PTPN12: variants seen among roughly 807,000 people sequenced by gnomAD.
PTPN12 encodes the protein tyrosine-protein phosphatase non-receptor type 12.
A neutral mutation model predicts 97.6 loss-of-function variants in PTPN12; 29 were observed. That is an observed-to-expected ratio of 0.30 (90% CI 0.22 to 0.41). The LOEUF (loss-of-function observed/expected upper bound fraction) is 0.41. PTPN12 is among the 10% of genes least tolerant of loss of function. The probability of loss-of-function intolerance (pLI) is 1.00; values close to 1 mark genes in which losing one functional copy is unlikely to be tolerated. For synonymous variants in PTPN12, 327 were observed against 300.4 expected (o/e 1.09, Z -0.91); for missense variants, 819 against 926.0 (o/e 0.88, Z 1.50).
chr7:77,543,917 T>C (rs1384482568), intron 1 of PTPN12, among the ~76,000 whole-genome samples: 2 of 152,234 alleles, frequency 1.3e-5, no homozygotes, highest in African/African-American at 4.8e-5. Flanking sequence ...TTCATCGTGT[T>C]GATGGGTATT....
intron 2 of PTPN12, 124 bp downstream of exon 2, chr7:77,571,310 A>G: frequency 1.6e-6 from 1 of 610,342 alleles, no homozygotes; most frequent in Non-Finnish European, 2.8e-6. Flanking sequence ...CTTTCAAAGT[A>G]CATGGAAAGA....
intron 1 of PTPN12, among the ~76,000 whole-genome samples, chr7:77,562,808 GTCC>G (rs1161790677): frequency 2.0e-5 from 3 of 151,778 alleles, no homozygotes; most frequent in Admixed American, 6.6e-5. Context: ...AAATTTTATT[GTCC>G]TCCTAGTTCA....
rs766399379 is a variant in PTPN12 at position 77,627,148 on chromosome 7, C to A, written c.1469C>A (p.Thr490Asn). Residue 490 changes from threonine (T) to asparagine (N), a missense_variant, in exon 13 of 18, where the codon ACT (threonine) becomes AAT (asparagine). By Grantham distance (65) the Thr-to-Asn change is moderately conservative. Around this residue, in one of 5 missense-constraint regions of PTPN12, gnomAD observed 607 missense variants for 577.3 expected, o/e 1.05. Transcript: ENST00000248594. ...ELSSDLNVGD[T>N]SQNSCVDCSV... ...AGTTCAGATCTAAATGTCGGTGATACTTCCCAGAATTCTTGTGTGGACTGC... is the reference window on the plus strand; with the variant it reads ...AGTTCAGATCTAAATGTCGGTGATAATTCCCAGAATTCTTGTGTGGACTGC... The A allele has an allele frequency of 2.1e-5, 34 of 1,614,114 alleles. No homozygotes were observed. The highest frequency in any genetic ancestry group is 2.6e-5 in the Non-Finnish European group (31 of 1,179,994).
chr7:77,584,694 G>A (rs1341440515), intron 4 of PTPN12, among the ~76,000 whole-genome samples: 2 of 152,022 alleles, frequency 1.3e-5, no homozygotes, highest in Non-Finnish European at 2.9e-5. Context: ...TGGCTAACAC[G>A]GTGAAACCCT....
intron 16 of PTPN12, among the ~76,000 whole-genome samples, chr7:77,637,765 G>A (rs1335850731): frequency 2.8e-5 from 4 of 145,000 alleles, no homozygotes; most frequent in African/African-American, 1.0e-4. Context: ...ACTGAGGCAG[G>A]AGAATCCCTT....
intron 1 of PTPN12, among the ~76,000 whole-genome samples, chr7:77,542,909 G>A (rs982885389): frequency 1.3e-5 from 2 of 152,146 alleles, no homozygotes; most frequent in African/African-American, 2.4e-5. Context: ...GGAGATAGTC[G>A]ACAGCATGGG....
At chr7:77,635,718 C>T in intron 14 of PTPN12, 64 bp from the exon 15 acceptor site, 4 of 1,059,304 alleles carry the variant, frequency 3.8e-6, no homozygotes, top group Non-Finnish European at 4.0e-6. Flanking sequence ...TTTTGTATTA[C>T]TTTAATGCAA....
rs767352628 is a variant in PTPN12, at chr7:77,627,064, T to C, written c.1385T>C (p.Ile462Thr). 1 of 1,613,900 alleles carries C rather than the reference T, an allele frequency of 6.2e-7. No homozygotes were observed. Among genetic ancestry groups the C allele is most frequent in the Non-Finnish European group, 8.5e-7 (1 of 1,179,880 alleles). ...GNTLLNRGHA[I>T]KIKSASPCIA... ...ACACTTTTGAATAGGGGACATGCAA[T>C]TAAAATTAAATCTGCTTCACCTTGT... Residue 462 changes from isoleucine (I) to threonine (T), a missense_variant, in exon 13 of 18, where the codon ATT becomes ACT. This residue lies in a region of PTPN12 where 607 missense variants were observed against 577.3 expected (regional missense o/e 1.05). Transcript: ENST00000248594.
intron 1 of PTPN12, among the ~76,000 whole-genome samples, chr7:77,564,837 A>C (rs528402918): frequency 3.0e-5 from 4 of 134,368 alleles, no homozygotes; most frequent in Admixed American, 1.8e-4. Context: ...AGCTCACTGC[A>C]ACCTCCGCCT....
chr7:77,593,860 T>C (rs1787942677), intron 6 of PTPN12, among the ~76,000 whole-genome samples: 1 of 152,234 alleles, frequency 6.6e-6, no homozygotes. Context: ...TTTTTGACTT[T>C]GTTTTCCATG....
chr7:77,590,309 ATTCTT>A (rs1407862768), intron 5 of PTPN12, among the ~76,000 whole-genome samples: 1 of 152,232 alleles, frequency 6.6e-6, no homozygotes, highest in Non-Finnish European at 1.5e-5. Flanking sequence ...ACCGCTTTCT[ATTCTT>A]AACTAAATTA....
intron 1 of PTPN12, among the ~76,000 whole-genome samples, chr7:77,551,402 A>G (rs1452008595): frequency 2.6e-5 from 4 of 152,162 alleles, no homozygotes; most frequent in Admixed American, 2.0e-4. Flanking sequence ...GGGTGCAATC[A>G]TTTTGGCACC....
rs1554321255 is a variant in PTPN12, at chr7:77,605,409, G to GGTTTTT, written c.696-1826_696-1825insGTTTTT. Among the ~76,000 whole-genome samples the GGTTTTT allele has an allele frequency of 3.9e-3, 368 of 95,526 alleles. 107 individuals are homozygous for GGTTTTT. The highest frequency in any genetic ancestry group is 0.011 in the African/African-American group (260 of 24,230). 62.7% of individuals were successfully genotyped at this position (95,526 alleles called of 152,430 possible). ...TTACTTTAAAATACTTTTGTCATGAGTTTTTTTTTTTTTTTTTTTTTTTTT... is the reference window on the plus strand; with the variant it reads ...TTACTTTAAAATACTTTTGTCATGAGGTTTTTTTTTTTTTTTTTTTTTTTTTTTTTT... On this transcript the variant is annotated intron_variant, in intron 8 of 17. Transcript: ENST00000248594.
rs554274217 is a variant in PTPN12, at chr7:77,537,515, G to T, written c.-32G>T. 13 of 1,540,108 alleles carry T rather than the reference G, an allele frequency of 8.4e-6. No individual in the cohort carries two copies. The highest frequency in any genetic ancestry group is 1.0e-5 in the Non-Finnish European group (12 of 1,143,328). ...TGCCGGGCGGGCGGGCGGCGGGGGG[G>T]CCAGCGACCGCAGCCGGGGGGACGC... On this transcript the variant is annotated 5_prime_UTR_variant, in exon 1 of 18. Coordinates refer to ENST00000248594, the MANE Select transcript of PTPN12 (RefSeq NM_002835.4).
intron 15 of PTPN12, 78 bp from the exon 16 acceptor site, chr7:77,636,939 AC>A: frequency 9.1e-7 from 1 of 1,096,066 alleles, no homozygotes; most frequent in African/African-American, 1.6e-5. Context: ...TGGGATATAT[AC>A]CCATAACAGA....
Position 77,589,360 on chromosome 7 carries a change from G to C in PTPN12, c.421-2825G>C, listed in dbSNP as rs115198072. Among the ~76,000 whole-genome samples, 292 of 152,152 alleles carry C rather than the reference G, an allele frequency of 1.9e-3. 1 individual carries two copies. Among genetic ancestry groups the C allele is most frequent in the Middle Eastern group, 6.8e-3 (2 of 294 alleles). ...CTGGTATCCTACAGCATCATATTCT[G>C]TCCTCACTGTAGGAGGTAATGATAT... is the stretch of plus-strand genomic sequence containing the variant. On this transcript the variant is annotated intron_variant, in intron 5 of 17. Coordinates refer to ENST00000248594, the MANE Select transcript of PTPN12 (RefSeq NM_002835.4).
chr7:77,636,745 T>C (rs976938822), intron 15 of PTPN12: 4 of 270,016 alleles, frequency 1.5e-5, no homozygotes, highest in Non-Finnish European at 2.8e-5. Context: ...AATGATATAA[T>C]TAGTAATAGT....
chr7:77,580,642 CAAT>C (rs1029947438), intron 2 of PTPN12, among the ~76,000 whole-genome samples: 8 of 151,790 alleles, frequency 5.3e-5, no homozygotes, highest in Non-Finnish European at 5.9e-5. Context: ...TAAAAGAAAT[CAAT>C]AAAAACTTAA....
chr7:77,638,474 A>T, intron 16 of PTPN12, 150 bp from the exon 17 acceptor site: 2 of 1,213,946 alleles, frequency 1.6e-6, no homozygotes, highest in Non-Finnish European at 2.1e-6. Context: ...CTACACTTGT[A>T]TTTATATTGT....
Sources: gnomAD v4.1 joint callset for allele counts (sites outside exome capture counted in the v4.1 genomes callset) on GRCh38, gnomAD v4.1.1 for gene constraint, gnomAD v4.1.1 regional missense constraint, MANE v1.5 for transcripts, NCBI Gene and HGNC (gene_info 2026-07-23, HGNC 2026-07-21) for gene names.